The following ROBO2 variants were observed in gnomAD, a reference collection of about 807,000 sequenced individuals.
ROBO2 encodes roundabout guidance receptor 2, also known as roundabout homolog 2.
In ROBO2, 53 loss-of-function variants were observed where a neutral mutation model predicts 160.8. That is an observed-to-expected ratio of 0.33 (90% CI 0.26 to 0.41). The LOEUF is 0.41. Ranked by LOEUF, ROBO2 falls within the 10% of genes least tolerant of loss-of-function variation. The pLI is 1.00. For synonymous variants in ROBO2, 664 were observed against 611.7 expected (o/e 1.09, Z -1.26); for missense variants, 1,577 against 1,722.4 (o/e 0.92, Z 1.49).
chr3:76,986,138 G>A (rs1244294088), intron 2 of ROBO2, among the ~76,000 whole-genome samples: 1 of 152,080 alleles, frequency 6.6e-6, no homozygotes, highest in African/African-American at 2.4e-5. Flanking sequence ...CAATAGAAAA[G>A]CTGCACTGTT....
intron 2 of ROBO2, among the ~76,000 whole-genome samples, chr3:76,512,050 T>C (rs1179464543): frequency 6.6e-6 from 1 of 152,042 alleles, no homozygotes; most frequent in Non-Finnish European, 1.5e-5. Context: ...GCAGTATGTA[T>C]CCATAACAGA....
intron 6 of ROBO2, among the ~76,000 whole-genome samples, chr3:77,526,784 C>T (rs999229184): frequency 1.3e-5 from 2 of 151,442 alleles, no homozygotes; most frequent in Admixed American, 1.3e-4. Context: ...TTCCTGCCCT[C>T]TGCCAGAAGA....
intron 2 of ROBO2, among the ~76,000 whole-genome samples, chr3:77,137,706 C>T (rs1033091103): frequency 7.9e-5 from 12 of 152,172 alleles, no homozygotes; most frequent in African/African-American, 2.9e-4. Context: ...CTGTTGAGCC[C>T]GGACAAGTCT....
rs879717772 is a variant in ROBO2 at position 76,226,561 on chromosome 3, CCAGTTTTT to C, written c.109+288960_109+288967del. ...GTAAGAATTCTATGCAAAGTTTGGA[CCAGTTTTT>C]AACAAATCAATTATAATGTATTTTT... is the stretch of plus-strand genomic sequence containing the variant. On this transcript the variant is annotated intron_variant, in intron 2 of 26. Transcript: ENST00000487694. 8.5e-5 allele frequency among the ~76,000 whole-genome samples: 13 copies of C among 152,072 alleles called. 1 individual carries two copies. Among genetic ancestry groups the C allele is most frequent in the Non-Finnish European group, 1.9e-4 (13 of 68,028 alleles).
At chr3:76,111,481 A>T (rs1316166401) in intron 2 of ROBO2, among the ~76,000 whole-genome samples, 1 of 151,974 alleles carries the variant, frequency 6.6e-6, no homozygotes, top group Non-Finnish European at 1.5e-5. Flanking sequence ...CTAGGAAATG[A>T]AGACGCCTGG....
intron 2 of ROBO2, among the ~76,000 whole-genome samples, chr3:77,223,228 T>C (rs2086050498): frequency 6.6e-6 from 1 of 152,172 alleles, no homozygotes; most frequent in African/African-American, 2.4e-5. Context: ...TTTCAAAAAA[T>C]AGGCTTTGAA....
At chr3:77,474,087 A>G (rs1327907072) in intron 2 of ROBO2, among the ~76,000 whole-genome samples, 1 of 152,190 alleles carries the variant, frequency 6.6e-6, no homozygotes, top group Non-Finnish European at 1.5e-5. Flanking sequence ...TATCGCAGAA[A>G]GGAAGACTGA....
chr3:77,520,919 T>C (rs2090527055), intron 5 of ROBO2, among the ~76,000 whole-genome samples: 1 of 151,302 alleles, frequency 6.6e-6, no homozygotes, highest in African/African-American at 2.4e-5. Flanking sequence ...TCTGCATGCA[T>C]TTTAGCCTAG....
At chr3:77,644,980 A>G (rs1583489768) in intron 25 of ROBO2, 76 bp downstream of exon 27, 1 of 1,414,842 alleles carries the variant, frequency 7.1e-7, no homozygotes, top group Admixed American at 1.7e-5. Context: ...CACATTAAAC[A>G]AATTTCAGAT....
chr3:75,984,191 T>C (rs1422676771), intron 2 of ROBO2, among the ~76,000 whole-genome samples: 1 of 151,536 alleles, frequency 6.6e-6, no homozygotes, highest in African/African-American at 2.4e-5. Context: ...AGAATACAGT[T>C]CACTGTCAAG....
chr3:75,971,983 AG>A (rs2065009627), intron 2 of ROBO2, among the ~76,000 whole-genome samples: 1 of 151,638 alleles, frequency 6.6e-6, no homozygotes, highest in South Asian at 2.1e-4. Context: ...CTTATTGCAA[AG>A]TAAATCAAAT....
chr3:76,862,528 G>C (rs2070898465), intron 2 of ROBO2, among the ~76,000 whole-genome samples: 1 of 152,068 alleles, frequency 6.6e-6, no homozygotes, highest in South Asian at 2.1e-4. Context: ...AATAGGACTG[G>C]ACAAAGGGGT....
intron 2 of ROBO2, among the ~76,000 whole-genome samples, chr3:76,540,266 A>C (rs1189505889): frequency 1.3e-5 from 2 of 152,212 alleles, no homozygotes; most frequent in African/African-American, 4.8e-5. Flanking sequence ...TTGTTTGGTA[A>C]CTGGAGTGAA....
chr3:77,022,353 G>C (rs1176593746), intron 2 of ROBO2, among the ~76,000 whole-genome samples: 1 of 152,192 alleles, frequency 6.6e-6, no homozygotes, highest in African/African-American at 2.4e-5. Context: ...CTGGGTGACA[G>C]AGTGAGCCTG....
At chr3:76,603,881 TA>T (rs2087436217) in intron 2 of ROBO2, among the ~76,000 whole-genome samples, 1 of 152,154 alleles carries the variant, frequency 6.6e-6, no homozygotes, top group African/African-American at 2.4e-5. Context: ...TAAATATACA[TA>T]TATATTAAAG....
At chr3:77,311,294 C>T (rs2063524046) in intron 2 of ROBO2, among the ~76,000 whole-genome samples, 1 of 152,146 alleles carries the variant, frequency 6.6e-6, no homozygotes, top group Non-Finnish European at 1.5e-5. Context: ...TGTATGTGCA[C>T]CGGAAATATC....
At chr3:77,565,255 G>A (rs1200146449) in intron 12 of ROBO2, 135 bp downstream of exon 13, 11 of 1,040,468 alleles carry the variant, frequency 1.1e-5, no homozygotes, top group Non-Finnish European at 1.6e-5. Context: ...ATCCAGGGAA[G>A]GAGAAGGTAG....
intron 2 of ROBO2, among the ~76,000 whole-genome samples, chr3:76,851,283 A>G (rs1432609473): frequency 6.6e-6 from 1 of 152,188 alleles, no homozygotes; most frequent in Admixed American, 6.5e-5. Context: ...CAAGTGCTCA[A>G]TAACCACATG....
chr3:77,447,493 T>C (rs2080663607), intron 2 of ROBO2, among the ~76,000 whole-genome samples: 2 of 152,154 alleles, frequency 1.3e-5, no homozygotes, highest in African/African-American at 4.8e-5. Context: ...TAATAGGCTT[T>C]TGGTTAGTAC....
Sources: allele counts gnomAD v4.1 joint callset (sites outside exome capture counted in the v4.1 genomes callset), GRCh38; gene constraint gnomAD v4.1.1; transcripts MANE v1.5; gene names NCBI Gene and HGNC (gene_info 2026-07-23, HGNC 2026-07-21).